The following FKBP5 variants were observed in gnomAD, a reference collection of about 807,000 sequenced individuals.
The protein encoded by FKBP5 is peptidyl-prolyl cis-trans isomerase FKBP5.
In FKBP5, 23 loss-of-function variants were observed where a neutral mutation model predicts 50.5. That is an observed-to-expected ratio of 0.46 (90% CI 0.33 to 0.65). The LOEUF (loss-of-function observed/expected upper bound fraction) is 0.65. Ranked by LOEUF, FKBP5 falls within the 30% of genes least tolerant of loss-of-function variation. The pLI, the probability that FKBP5 is intolerant of heterozygous loss-of-function variation, is 0.02. For missense variants in FKBP5, 411 were observed against 553.1 expected, an observed-to-expected ratio of 0.74 and a Z score of 2.58; for synonymous variants, 176 against 190.6, an observed-to-expected ratio of 0.92 and a Z score of 0.63.
At chr6:35,628,787 C>A (rs937225581) in intron 3 of FKBP5, among the ~76,000 whole-genome samples, 1 of 150,924 alleles carries the variant, frequency 6.6e-6, no homozygotes, top group East Asian at 2.0e-4. Context: ...GGCACAATCT[C>A]GGCTTACTGC....
intron 1 of FKBP5, among the ~76,000 whole-genome samples, chr6:35,727,684 G>C (rs1766743477): frequency 6.6e-6 from 1 of 152,224 alleles, no homozygotes; most frequent in African/African-American, 2.4e-5. Context: ...ACGTGACTGC[G>C]TCCCAGGTCT....
chr6:35,608,341 C>T (rs1763390896), intron 5 of FKBP5, among the ~76,000 whole-genome samples: 1 of 150,142 alleles, frequency 6.7e-6, no homozygotes, highest in African/African-American at 2.4e-5. Context: ...CAAACTGGCA[C>T]ATGTCCCCCC....
At position 35,620,374 on chromosome 6, in the gene FKBP5, T is replaced by A. The variant is rs1020116607; in HGVS notation, c.251-100A>T. 1.1e-4 allele frequency: 141 copies of A among 1,234,372 alleles called. 1 individual carries two copies. The highest frequency in any genetic ancestry group is 5.1e-4 in the Admixed American group (23 of 45,388). The allele number at this position is 1,234,372 out of a possible 1,614,324, so 76.5% of individuals were successfully genotyped here. On this transcript the variant is annotated intron_variant, in intron 3 of 10. Coordinates refer to ENST00000357266, the MANE Select transcript of FKBP5 (RefSeq NM_004117.4). The stretch of plus-strand genomic sequence containing the variant: ...CTAATTTCCAGTTTTTCATACTACA[T>A]ACTCAGCTAGAAAGTATGGGCTACA...
At chr6:35,583,427 T>A (rs980664666) in intron 8 of FKBP5, 5 of 985,348 alleles carry the variant, frequency 5.1e-6, no homozygotes, top group Non-Finnish European at 6.0e-6. Context: ...GACTTCTTAA[T>A]AGTTCCTTCA....
chr6:35,577,309 G>T, intron 9 of FKBP5, 76 bp from the exon 10 acceptor site: 1 of 1,348,324 alleles, frequency 7.4e-7, no homozygotes. Context: ...AAGTTCTCTT[G>T]CCAAAGGAGA....
intron 3 of FKBP5, among the ~76,000 whole-genome samples, chr6:35,622,969 G>A (rs905654089): frequency 8.5e-5 from 13 of 152,230 alleles, no homozygotes; most frequent in Admixed American, 3.3e-4. Context: ...AAGGCCGGGC[G>A]TGGTGGCTCA....
intron 2 of FKBP5, among the ~76,000 whole-genome samples, chr6:35,711,636 G>T (rs1458009055): frequency 6.6e-6 from 1 of 151,878 alleles, no homozygotes; most frequent in African/African-American, 2.4e-5. Context: ...GGAGAGGAGA[G>T]GAGAGGAGAG....
In FKBP5 at chr6:35,583,915, G is replaced by A. The variant is rs565734354; in HGVS notation, c.840+3119C>T. ...GGGTGGTGAAAATATAGCAAAGCCC[G>A]ATTTATCTGAAGAGTTTAGAGGTTG... On this transcript the variant is annotated intron_variant, in intron 8 of 10. Transcript: ENST00000357266. 1.5e-5 allele frequency: 15 copies of A among 985,344 alleles called. No individual in the cohort carries two copies. The East Asian group carries it at 7.9e-4, about 52-fold the overall frequency. The allele number at this position is 985,344 out of a possible 1,614,324, so 61.0% of individuals were successfully genotyped here.
Position 35,620,078 on chromosome 6 carries a change from G to T in FKBP5, c.393+54C>A, listed in dbSNP as rs1763784550. 7 of 1,607,096 alleles carry T rather than the reference G, an allele frequency of 4.4e-6. No homozygotes were observed. The South Asian group carries it at 7.7e-5, about 18-fold the overall frequency. On this transcript the variant is annotated intron_variant, in intron 4 of 10. Coordinates refer to ENST00000357266, the MANE Select transcript of FKBP5 (RefSeq NM_004117.4). ...TTTTCCCACTGCCTGTTGCTTCAAA[G>T]CCATTCCTATTGTAGAGCAGATGCT...
At chr6:35,581,387 C>T (rs1762425440) in intron 8 of FKBP5, 1 of 202,242 alleles carries the variant, frequency 4.9e-6, no homozygotes, top group Non-Finnish European at 8.7e-6. Flanking sequence ...AGGTGGATCA[C>T]CTGAGGTCAG....
Position 35,642,730 on chromosome 6 carries a change from C to A in FKBP5, c.95G>T (p.Gly32Val), listed in dbSNP as rs1764528575. The change falls in exon 2 of 11, where the codon GGA (glycine) becomes GTA (valine). Residue 32 changes from glycine to valine, a missense_variant. Physicochemically the swap from Gly to Val is moderately radical, Grantham distance 109. Transcript: ENST00000357266. ...GCTTTGTGGCCTCACCTTTAATACT[C>A]CCCTGTCTTTTTTGGAGGTAATATC... ...GEDITSKKDR[G>V]VLKIVKRVGN... The A allele has an allele frequency of 6.2e-7, 1 of 1,613,496 alleles. No homozygotes were observed. Among genetic ancestry groups the A allele is most frequent in the South Asian group, 1.1e-5 (1 of 91,044 alleles).
chr6:35,607,258 T>C (rs1416949929), intron 5 of FKBP5, among the ~76,000 whole-genome samples: 1 of 151,842 alleles, frequency 6.6e-6, no homozygotes, highest in Non-Finnish European at 1.5e-5. Flanking sequence ...TGAGACAGGG[T>C]CTCGCTTTGT....
intron 2 of FKBP5, among the ~76,000 whole-genome samples, chr6:35,717,064 C>T (rs1172105802): frequency 2.6e-5 from 4 of 152,168 alleles, no homozygotes; most frequent in Non-Finnish European, 5.9e-5. Context: ...CCTTACCCCA[C>T]CCCCCGCCAT....
chr6:35,581,050 T>TA, intron 8 of FKBP5: 1 of 971,932 alleles, frequency 1.0e-6, no homozygotes, highest in Non-Finnish European at 1.2e-6. Context: ...CTCTAGACAG[T>TA]ATGTAAATCA....
intron 1 of FKBP5, among the ~76,000 whole-genome samples, chr6:35,723,507 T>C (rs564197460): frequency 6.6e-6 from 1 of 152,066 alleles, no homozygotes; most frequent in African/African-American, 2.4e-5. Context: ...GCAGAAGGGA[T>C]CTTGGGAAAA....
upstream of FKBP5, among the ~76,000 whole-genome samples, chr6:35,690,539 G>A (rs1454774695): frequency 6.6e-6 from 1 of 152,008 alleles, no homozygotes; most frequent in African/African-American, 2.4e-5. Flanking sequence ...TCGAGGGCAG[G>A]GGTTCTGTCT....
intron 6 of FKBP5, among the ~76,000 whole-genome samples, chr6:35,591,600 AG>A (rs1360618724): frequency 6.6e-6 from 1 of 151,964 alleles, no homozygotes; most frequent in African/African-American, 2.4e-5. Flanking sequence ...AAGTTTTATC[AG>A]CAAAAAGGAC....
rs927094319 is a variant in FKBP5 at position 35,585,224 on chromosome 6, T to C, written c.840+1810A>G. The C allele has an allele frequency of 8.2e-6, 8 of 977,060 alleles. No individual in the cohort carries two copies. The African/African-American group carries it at 1.4e-4, about 17-fold the overall frequency. The allele number at this position is 977,060 out of a possible 1,614,324, so 60.5% of individuals were successfully genotyped here. On this transcript the variant is annotated intron_variant, in intron 8 of 10. Transcript: ENST00000357266. ...AATATAGTTAAGGATTTTTATGGAC[T>C]TCGGAAATATAGAAAATACTGTTAA...
At chr6:35,711,718 G>A (rs943197615) in intron 2 of FKBP5, among the ~76,000 whole-genome samples, 3 of 152,144 alleles carry the variant, frequency 2.0e-5, no homozygotes, top group Non-Finnish European at 4.4e-5. Context: ...TATTGTGATA[G>A]ACATTACACA....
Sources: allele counts gnomAD v4.1 joint callset (sites outside exome capture counted in the v4.1 genomes callset), GRCh38; gene constraint gnomAD v4.1.1; transcripts MANE v1.5; gene names NCBI Gene and HGNC (gene_info 2026-07-23, HGNC 2026-07-21).